The following EYS variants were observed in gnomAD, a reference collection of about 807,000 sequenced individuals.
EYS encodes EGF-like photoreceptor maintenance factor, also known as protein eyes shut homolog.
Under a neutral mutation model 282.1 loss-of-function variants are expected in EYS, and 250 were observed. The ratio of observed to expected loss-of-function variants is 0.89; its 90% CI spans 0.80 to 0.98. EYS has a LOEUF of 0.98. Ranked by LOEUF, EYS falls within the 50% of genes least tolerant of loss-of-function variation. The pLI, the probability that EYS is intolerant of heterozygous loss-of-function variation, is 0.00. For synonymous variants in EYS, 1,355 were observed against 1,282.9 expected, an observed-to-expected ratio of 1.06 and a Z score of -1.20; for missense variants, 4,016 against 3,709.0, an observed-to-expected ratio of 1.08 and a Z score of -2.15.
chr6:63,830,996 C>A (rs897513936), intron 36 of EYS, among the ~76,000 whole-genome samples: 7 of 152,152 alleles, frequency 4.6e-5, no homozygotes, highest in Admixed American at 3.9e-4. Flanking sequence ...AAATAAAATC[C>A]TTTACAGACA....
intron 12 of EYS, among the ~76,000 whole-genome samples, chr6:65,151,758 A>G (rs1764616493): frequency 6.6e-6 from 1 of 152,006 alleles, no homozygotes; most frequent in Non-Finnish European, 1.5e-5. Context: ...CAGTCAACAT[A>G]TAATACATTA....
chr6:64,742,380 C>T (rs1479895359), intron 22 of EYS, among the ~76,000 whole-genome samples: 1 of 151,960 alleles, frequency 6.6e-6, no homozygotes, highest in Admixed American at 6.6e-5. Context: ...TGACAATGAA[C>T]AAATTTAAAA....
At chr6:63,836,268 T>C (rs1020451061) in intron 36 of EYS, among the ~76,000 whole-genome samples, 4 of 152,038 alleles carry the variant, frequency 2.6e-5, no homozygotes, top group Non-Finnish European at 5.9e-5. Context: ...CAATTACAAA[T>C]GGCTAATGGT....
At chr6:64,312,860 C>G (rs1769775469) in intron 29 of EYS, among the ~76,000 whole-genome samples, 1 of 152,148 alleles carries the variant, frequency 6.6e-6, no homozygotes, top group African/African-American at 2.4e-5. Flanking sequence ...GACGTCCACT[C>G]AGAGACCCCA....
At chr6:65,492,861 A>T (rs975127530) in intron 4 of EYS, among the ~76,000 whole-genome samples, 2 of 152,164 alleles carry the variant, frequency 1.3e-5, no homozygotes, top group Non-Finnish European at 2.9e-5. Flanking sequence ...AGATTGGATG[A>T]GGTGAATTTT....
At chr6:65,142,173 T>C (rs1265940805) in intron 12 of EYS, among the ~76,000 whole-genome samples, 3 of 152,152 alleles carry the variant, frequency 2.0e-5, no homozygotes, top group African/African-American at 7.2e-5. Context: ...ACGTATTTTA[T>C]AATGTATCGT....
chr6:65,218,931 T>G (rs1454825281), intron 12 of EYS, among the ~76,000 whole-genome samples: 1 of 151,994 alleles, frequency 6.6e-6, no homozygotes, highest in Non-Finnish European at 1.5e-5. Flanking sequence ...AAGTGAACAG[T>G]GATAGAAATC....
chr6:65,402,357 A>C (rs2150363640), intron 7 of EYS, 121 bp downstream of exon 7: 1 of 581,040 alleles, frequency 1.7e-6, no homozygotes, highest in Non-Finnish European at 2.9e-6. Context: ...AACTTCAAAT[A>C]GAATATTATA....
At chr6:64,555,820 T>A (rs1455262608) in intron 26 of EYS, among the ~76,000 whole-genome samples, 1 of 151,936 alleles carries the variant, frequency 6.6e-6, no homozygotes, top group Non-Finnish European at 1.5e-5. Context: ...ACCTATTATA[T>A]CATTTCTTCT....
At chr6:64,676,349 T>TAG (rs201351765) in intron 22 of EYS, among the ~76,000 whole-genome samples, 110 of 121,190 alleles carry the variant, frequency 9.1e-4, no homozygotes, top group Admixed American at 2.0e-3. Flanking sequence ...TATATATATA[T>TAG]ATAGAGAGAG....
chr6:65,352,106 T>C (rs1031331346), intron 9 of EYS, among the ~76,000 whole-genome samples: 13 of 151,892 alleles, frequency 8.6e-5, no homozygotes, highest in African/African-American at 3.1e-4. Context: ...TTCAGTGTGA[T>C]CTGATTAATG....
intron 35 of EYS, among the ~76,000 whole-genome samples, chr6:63,941,327 A>G (rs1268866053): frequency 6.6e-6 from 1 of 152,158 alleles, no homozygotes; most frequent in Non-Finnish European, 1.5e-5. Flanking sequence ...CTATTTCTCC[A>G]CATCCTCTCC....
At chr6:65,423,164 G>A (rs1427651676) in intron 5 of EYS, among the ~76,000 whole-genome samples, 1 of 151,760 alleles carries the variant, frequency 6.6e-6, no homozygotes, top group Admixed American at 6.6e-5. Flanking sequence ...TAAAAATTCA[G>A]ATTGGTTTTT....
At chr6:64,951,084 A>T (rs2150099762) in intron 14 of EYS, among the ~76,000 whole-genome samples, 1 of 151,714 alleles carries the variant, frequency 6.6e-6, no homozygotes, top group East Asian at 2.0e-4. Flanking sequence ...GAAGAGAAGA[A>T]CAGAGAAGTG....
At chr6:64,284,861 G>GGC (rs1768440256) in intron 30 of EYS, among the ~76,000 whole-genome samples, 1 of 152,070 alleles carries the variant, frequency 6.6e-6, no homozygotes, top group African/African-American at 2.4e-5. Context: ...AGGGATGCAG[G>GGC]GCAACAAGTC....
intron 26 of EYS, among the ~76,000 whole-genome samples, chr6:64,570,787 G>A (rs1351782210): frequency 6.6e-6 from 1 of 152,154 alleles, no homozygotes; most frequent in Non-Finnish European, 1.5e-5. Context: ...CATAAAGCAA[G>A]TTCTTAGAGA....
intron 35 of EYS, among the ~76,000 whole-genome samples, chr6:63,958,491 G>A (rs1435393074): frequency 6.6e-6 from 1 of 152,172 alleles, no homozygotes; most frequent in Non-Finnish European, 1.5e-5. Flanking sequence ...AAAAGTGCAA[G>A]GTGAAGCAGC....
intron 22 of EYS, among the ~76,000 whole-genome samples, chr6:64,770,349 G>A (rs958467727): frequency 1.8e-4 from 28 of 151,778 alleles, no homozygotes; most frequent in African/African-American, 5.1e-4. Context: ...TTTTTTGTCC[G>A]CTGATAAAAA....
rs1214270165 is a variant in EYS, at chr6:65,353,750, T to C, written c.1300-133A>G. ...ACTTTATGGGACACACTTTTTATAC[T>C]TCTCTTTATTTCTTCTATTTCTTTA... On this transcript the variant is annotated intron_variant, in intron 8 of 42. Coordinates refer to ENST00000503581, the MANE Select transcript of EYS (RefSeq NM_001142800.2). The C allele has an allele frequency of 4.5e-6, 3 of 662,606 alleles. No homozygotes were observed. The East Asian group carries it at 8.3e-5, about 18-fold the overall frequency. 41.0% of individuals were successfully genotyped at this position (662,606 alleles called of 1,614,324 possible).
Sources: gnomAD v4.1 joint callset for allele counts (sites outside exome capture counted in the v4.1 genomes callset) on GRCh38, gnomAD v4.1.1 for gene constraint, MANE v1.5 for transcripts, NCBI Gene and HGNC (gene_info 2026-07-23, HGNC 2026-07-21) for gene names.